DST: variants seen among roughly 807,000 people sequenced by gnomAD.
DST encodes the protein bullous pemphigoid antigen.
In DST, 253 loss-of-function variants were observed where a neutral mutation model predicts 875.2. The observed-to-expected ratio is 0.29, with a 90% CI of 0.26 to 0.32. DST has a LOEUF of 0.32. DST is among the 10% of genes least tolerant of loss of function. The pLI, the probability that DST is intolerant of heterozygous loss-of-function variation, is 1.00. For missense variants in DST, 8,287 were observed against 9,111.6 expected (o/e 0.91, Z 3.68); for synonymous variants, 3,124 against 3,197.1 (o/e 0.98, Z 0.77).
chr6:56,762,054 C>A (rs2099618407), intron 4 of DST, among the ~76,000 whole-genome samples: 1 of 151,688 alleles, frequency 6.6e-6, no homozygotes, highest in South Asian at 2.1e-4. Context: ...GAGTTTTGCT[C>A]TTGTTGTCTA....
At chr6:56,620,166 G>C in intron 36 of DST, 1 of 1,613,310 alleles carries the variant, frequency 6.2e-7, no homozygotes, top group South Asian at 1.1e-5. Context: ...TGCTTTATCA[G>C]CTTCAAGAGT....
At chr6:56,791,584 G>A (rs980482490) in intron 4 of DST, among the ~76,000 whole-genome samples, 4 of 152,080 alleles carry the variant, frequency 2.6e-5, no homozygotes, top group African/African-American at 4.8e-5. Flanking sequence ...CCAGAAGTTC[G>A]AGACCAGCCT....
intron 2 of DST, among the ~76,000 whole-genome samples, chr6:56,905,547 T>C (rs1469032985): frequency 6.6e-6 from 1 of 152,234 alleles, no homozygotes; most frequent in Admixed American, 6.5e-5. Flanking sequence ...CCTAACATAA[T>C]GTTCTCCAGG....
rs144140291 is a variant in DST at position 56,800,171 on chromosome 6, A to G, written c.625+51226T>C. On this transcript the variant is annotated intron_variant, in intron 4 of 103. Coordinates refer to ENST00000680361, the MANE Select transcript of DST (RefSeq NM_001374736.1). ...AACATAATTCCAAATAGACTGTGGG[A>G]ACCGAGTAGACAAAGGGAAGAAGGG... 2.9e-4 allele frequency among the ~76,000 whole-genome samples: 44 copies of G among 152,326 alleles called. 1 individual carries two copies. The East Asian group carries it at 7.9e-3, about 27-fold the overall frequency.
intron 51 of DST, 103 bp downstream of exon 51, chr6:56,573,573 CTCT>C (rs1562892012): frequency 1.5e-5 from 12 of 803,756 alleles, no homozygotes; most frequent in African/African-American, 5.2e-5. Flanking sequence ...CAGTAAATGT[CTCT>C]TTTTTGTGTC....
chr6:56,896,261 G>A (rs918284261), intron 3 of DST, among the ~76,000 whole-genome samples: 7 of 152,054 alleles, frequency 4.6e-5, no homozygotes, highest in East Asian at 1.9e-4. Context: ...GAATTCCCAC[G>A]TGTTGTGGGA....
At chr6:56,838,972 A>G (rs1369936093) in intron 4 of DST, among the ~76,000 whole-genome samples, 1 of 152,244 alleles carries the variant, frequency 6.6e-6, no homozygotes, top group Non-Finnish European at 1.5e-5. Flanking sequence ...TTTGCCCTCC[A>G]TGTGCCAGAC....
intron 4 of DST, among the ~76,000 whole-genome samples, chr6:56,751,752 T>C (rs2099587887): frequency 6.6e-6 from 1 of 151,234 alleles, no homozygotes; most frequent in Admixed American, 6.6e-5. Flanking sequence ...AAACTAAAAT[T>C]TTTTTCCATA....
chr6:56,695,511 A>G (rs2099258697), intron 9 of DST, among the ~76,000 whole-genome samples: 1 of 152,182 alleles, frequency 6.6e-6, no homozygotes. Flanking sequence ...TTCATCTTTC[A>G]AAGCCTATCT....
At chr6:56,828,250 C>G (rs1562055461) in intron 4 of DST, among the ~76,000 whole-genome samples, 1 of 152,176 alleles carries the variant, frequency 6.6e-6, no homozygotes, top group Non-Finnish European at 1.5e-5. Flanking sequence ...CCAAGAGCAG[C>G]AGCCAAATTT....
Position 56,553,436 on chromosome 6 carries a change from G to A in DST, c.15356C>T (p.Ala5119Val), listed in dbSNP as rs565884147. The A allele has an allele frequency of 1.1e-5, 18 of 1,604,572 alleles. No individual in the cohort carries two copies. The African/African-American group carries it at 1.6e-4, about 14-fold the overall frequency. The stretch of plus-strand genomic sequence containing the variant: ...TTTTAATAACAGATTTTCACCTTCT[G>A]CAATGGTTTTTTCATACATATGAGA... ...AQSHMYEKTI[A>V]EGENLLLKTQ... The change falls in exon 61 of 104, where the codon GCA becomes GTA. Residue 5119 changes from alanine to valine, a missense_variant. Coordinates refer to ENST00000680361, the MANE Select transcript of DST (RefSeq NM_001374736.1).
intron 4 of DST, chr6:56,843,475 G>C: frequency 1.0e-6 from 1 of 995,938 alleles, no homozygotes; most frequent in East Asian, 1.0e-4. Context: ...GGAGGAGCGG[G>C]GCGTGCGGCG....
intron 5 of DST, among the ~76,000 whole-genome samples, chr6:56,721,408 C>T (rs1563863644): frequency 6.6e-6 from 1 of 152,226 alleles, no homozygotes; most frequent in Admixed American, 6.5e-5. Flanking sequence ...AGGGTATTGA[C>T]TGGGGAAGTG....
chr6:56,771,312 A>G (rs945342508), intron 4 of DST, among the ~76,000 whole-genome samples: 8 of 152,140 alleles, frequency 5.3e-5, no homozygotes, highest in Non-Finnish European at 1.0e-4. Flanking sequence ...AGGGCCCCCA[A>G]TTTAGGCTAA....
intron 10 of DST, among the ~76,000 whole-genome samples, chr6:56,669,595 CA>C (rs531095657): frequency 3.2e-3 from 287 of 89,266 alleles, no homozygotes; most frequent in Non-Finnish European, 3.5e-3. Flanking sequence ...GACTTCATCT[CA>C]AAAAAAAAAA....
At chr6:56,819,712 T>A (rs1339200935) in intron 4 of DST, among the ~76,000 whole-genome samples, 4 of 129,104 alleles carry the variant, frequency 3.1e-5, no homozygotes, top group African/African-American at 1.1e-4. Flanking sequence ...GGTACTACAA[T>A]AACATTTATA....
intron 7 of DST, among the ~76,000 whole-genome samples, chr6:56,702,380 TAC>T (rs141415908): frequency 2.1e-3 from 319 of 149,318 alleles, no homozygotes; most frequent in African/African-American, 5.9e-3. Context: ...TAACTGTATA[TAC>T]ACACACACAC....
intron 3 of DST, among the ~76,000 whole-genome samples, chr6:56,860,670 A>T (rs1265521153): frequency 6.6e-6 from 1 of 152,180 alleles, no homozygotes; most frequent in Non-Finnish European, 1.5e-5. Context: ...AGTAAATTTT[A>T]GCTATTAGGT....
At position 56,489,553 on chromosome 6, in the gene DST, C is replaced by T; in HGVS notation, c.20814G>A (p.Leu6938=). The T allele has an allele frequency of 6.2e-7, 1 of 1,612,958 alleles. No homozygotes were observed. Among genetic ancestry groups the T allele is most frequent in the Non-Finnish European group, 8.5e-7 (1 of 1,179,336 alleles). The change falls in exon 86 of 104, where the codon TTG becomes TTA. Residue 6938 remains leucine (L), a synonymous_variant. Transcript: ENST00000680361. ...MEWLEESEKS[L]DSELEIANDP... ...CATTTGCGATTTCCAGTTCAGAATCCAAAGACTTTTCTGACTCTTCTAGCC... is the reference window on the plus strand; with the variant it reads ...CATTTGCGATTTCCAGTTCAGAATCTAAAGACTTTTCTGACTCTTCTAGCC...
Sources: gnomAD v4.1 joint callset for allele counts (sites outside exome capture counted in the v4.1 genomes callset) on GRCh38, gnomAD v4.1.1 for gene constraint, MANE v1.5 for transcripts, NCBI Gene and HGNC (gene_info 2026-07-23, HGNC 2026-07-21) for gene names.